The following CD109 variants were observed in gnomAD, a reference collection of about 807,000 sequenced individuals.
CD109 encodes CD109 molecule, also known as CD109 antigen.
Under a neutral mutation model 165.8 loss-of-function variants are expected in CD109, and 149 were observed. That is an observed-to-expected ratio of 0.90 (90% CI 0.79 to 1.03). The LOEUF (loss-of-function observed/expected upper bound fraction) is 1.03. CD109 is among the 50% of genes least tolerant of loss of function. The pLI is 0.00. For missense variants in CD109, 1,712 were observed against 1,677.8 expected (o/e 1.02, Z -0.36); for synonymous variants, 585 against 592.1 (o/e 0.99, Z 0.18).
rs368100506 is a variant in CD109 at position 73,772,427 on chromosome 6, TC to T, written c.1827+849del. Among the ~76,000 whole-genome samples, 162 of 138,686 alleles carry T rather than the reference TC, an allele frequency of 1.2e-3. 1 individual carries two copies. The highest frequency in any genetic ancestry group is 4.3e-3 in the African/African-American group (156 of 36,330). The allele number at this position is 138,686 out of a possible 152,430, so 91.0% of individuals were successfully genotyped here. A position where few individuals can be genotyped will look rare whatever the true frequency, so the allele number is the denominator to read the frequency against. ...GGCTGAGGCAGGAGAATGGCATGAA[TC>T]CCAGGAGGCGGAGCTTGCAGCGAGC... On this transcript the variant is annotated intron_variant, in intron 15 of 32. Coordinates refer to ENST00000287097, the MANE Select transcript of CD109 (RefSeq NM_133493.5).
At chr6:73,770,589 G>A (rs1014053103) in intron 14 of CD109, among the ~76,000 whole-genome samples, 2 of 151,862 alleles carry the variant, frequency 1.3e-5, no homozygotes, top group Non-Finnish European at 2.9e-5. Flanking sequence ...TACTAAAAAA[G>A]TTACAAAAAT....
chr6:73,758,881 G>C, intron 6 of CD109, 63 bp from the exon 7 acceptor site: 1 of 850,542 alleles, frequency 1.2e-6, no homozygotes, highest in Middle Eastern at 2.9e-4. Context: ...TTCTTTAAAA[G>C]ATTTACCCTT....
chr6:73,699,813 C>G (rs1452886625), intron 2 of CD109, among the ~76,000 whole-genome samples: 1 of 152,202 alleles, frequency 6.6e-6, no homozygotes, highest in Non-Finnish European at 1.5e-5. Context: ...TAGGAGCACT[C>G]TCCTGTTTCA....
In CD109 at chr6:73,818,507, A is replaced by G. The variant is rs1414409492; in HGVS notation, c.4031A>G (p.His1344Arg). 4 of 1,613,086 alleles carry G rather than the reference A, an allele frequency of 2.5e-6. No individual in the cohort carries two copies. The highest frequency in any genetic ancestry group is 1.1e-5 in the South Asian group (1 of 90,746). Reference protein sequence around the residue: ...SETVKKVEYDHGKLNLYLDSV... With the variant: ...SETVKKVEYDRGKLNLYLDSV... ...ACAGTGAAGAAAGTGGAATATGATC[A>G]TGGAAAACTCAACCTCTATTTAGAT... Residue 1344 changes from histidine to arginine, a missense_variant, in exon 31 of 33, where the codon CAT becomes CGT. Physicochemically the swap from His to Arg is conservative, Grantham distance 29. Coordinates refer to ENST00000287097, the MANE Select transcript of CD109 (RefSeq NM_133493.5).
chr6:73,737,236 C>A (rs1011897908), intron 5 of CD109, among the ~76,000 whole-genome samples: 2 of 152,056 alleles, frequency 1.3e-5, no homozygotes, highest in Non-Finnish European at 2.9e-5. Context: ...TTTTCTGTAT[C>A]TAAAGGGGAA....
At chr6:73,761,911 A>G (rs2150223214) in intron 7 of CD109, among the ~76,000 whole-genome samples, 1 of 152,000 alleles carries the variant, frequency 6.6e-6, no homozygotes, top group African/African-American at 2.4e-5. Context: ...TTTCTTTTTA[A>G]AATTTTCTCT....
intron 10 of CD109, among the ~76,000 whole-genome samples, 183 bp downstream of exon 10, chr6:73,763,868 A>C (rs1432672669): frequency 6.6e-6 from 1 of 152,254 alleles, no homozygotes; most frequent in African/African-American, 2.4e-5. Flanking sequence ...TTTCTAAAAA[A>C]GTAGTTTTCA....
chr6:73,696,320 G>A (rs1361295851), intron 1 of CD109, 31 bp downstream of exon 1: 2 of 1,413,932 alleles, frequency 1.4e-6, no homozygotes, highest in Non-Finnish European at 1.9e-6. Flanking sequence ...GGGGCGCGCG[G>A]GCGCGCGGGC....
intron 22 of CD109, among the ~76,000 whole-genome samples, chr6:73,791,294 C>G (rs1331128215): frequency 6.8e-6 from 1 of 147,482 alleles, no homozygotes; most frequent in African/African-American, 2.5e-5. Context: ...AACTTCTGAG[C>G]TCATGTAGTC....
intron 17 of CD109, 124 bp downstream of exon 17, chr6:73,781,443 TC>T: frequency 1.3e-6 from 1 of 792,972 alleles, no homozygotes; most frequent in African/African-American, 1.7e-5. Flanking sequence ...TGTTCTCTTC[TC>T]CCAAAATGTT....
chr6:73,753,589 A>G (rs1773276336), intron 5 of CD109, among the ~76,000 whole-genome samples: 1 of 152,226 alleles, frequency 6.6e-6, no homozygotes, highest in Non-Finnish European at 1.5e-5. Flanking sequence ...GCATACTGTC[A>G]GCACCCACTT....
intron 23 of CD109, among the ~76,000 whole-genome samples, chr6:73,794,813 G>A (rs1015425843): frequency 6.6e-6 from 1 of 152,128 alleles, no homozygotes; most frequent in African/African-American, 2.4e-5. Flanking sequence ...TATTTGTAGA[G>A]ATCCAGCAGT....
chr6:73,707,399 G>A (rs1379973461), intron 2 of CD109, among the ~76,000 whole-genome samples: 1 of 152,220 alleles, frequency 6.6e-6, no homozygotes, highest in South Asian at 2.1e-4. Flanking sequence ...TAGTAAATGA[G>A]AGTGGAGTAA....
rs994240493 is a variant in CD109 at position 73,827,369 on chromosome 6, G to A, written c.*3736G>A. The A allele has an allele frequency of 4.0e-5, 6 of 151,850 alleles. No individual in the cohort carries two copies. The highest frequency in any genetic ancestry group is 3.4e-3 in the Middle Eastern group (1 of 294). The allele number at this position is 151,850 out of a possible 1,614,324, so 9.4% of individuals were successfully genotyped here. On this transcript the variant is annotated 3_prime_UTR_variant, in exon 33 of 33. Transcript: ENST00000287097. ...TACGTTCTCGGTAGAGGCTTCTGTC[G>A]GACAGGCAGAAGAGTGTATTCCTCA... is the stretch of plus-strand genomic sequence containing the variant.
At chr6:73,712,167 C>T (rs890590962) in intron 2 of CD109, among the ~76,000 whole-genome samples, 1 of 152,164 alleles carries the variant, frequency 6.6e-6, no homozygotes, top group East Asian at 1.9e-4. Context: ...CGAGATCATG[C>T]CACTGCACTC....
chr6:73,742,953 C>T (rs910327362), intron 5 of CD109, among the ~76,000 whole-genome samples: 5 of 152,110 alleles, frequency 3.3e-5, no homozygotes, highest in Admixed American at 6.5e-5. Context: ...CATAAATGCC[C>T]GCAGCTAGGC....
At chr6:73,758,384 A>AATT (rs1773480422) in intron 6 of CD109, among the ~76,000 whole-genome samples, 1 of 151,978 alleles carries the variant, frequency 6.6e-6, no homozygotes, top group African/African-American at 2.4e-5. Context: ...TTTATACCTT[A>AATT]ATTATTATTA....
chr6:73,696,825 C>T (rs1770858466), intron 1 of CD109, among the ~76,000 whole-genome samples: 1 of 152,124 alleles, frequency 6.6e-6, no homozygotes, highest in Non-Finnish European at 1.5e-5. Context: ...GAAAGTGCTG[C>T]TTTAGTGACT....
At chr6:73,813,052 C>T (rs1259209035) in intron 29 of CD109, among the ~76,000 whole-genome samples, 1 of 151,968 alleles carries the variant, frequency 6.6e-6, no homozygotes, top group Non-Finnish European at 1.5e-5. Context: ...CTGAGTAGGG[C>T]GGGTATACCT....
Sources: allele counts gnomAD v4.1 joint callset (sites outside exome capture counted in the v4.1 genomes callset), GRCh38; gene constraint gnomAD v4.1.1; transcripts MANE v1.5; gene names NCBI Gene and HGNC (gene_info 2026-07-23, HGNC 2026-07-21).